The following CHN2 variants were observed in gnomAD, a reference collection of about 807,000 sequenced individuals.
CHN2 encodes beta-chimaerin.
In CHN2, 35 loss-of-function variants were observed where a neutral mutation model predicts 56.3. That is an observed-to-expected ratio of 0.62 (90% CI 0.47 to 0.82). The LOEUF is 0.82. Ranked by LOEUF, CHN2 falls within the 40% of genes least tolerant of loss-of-function variation. The probability of loss-of-function intolerance (pLI) is 0.00; values close to 1 mark genes in which losing one functional copy is unlikely to be tolerated. For missense variants in CHN2, 491 were observed against 580.5 expected (o/e 0.85, Z 1.58); for synonymous variants, 210 against 212.8 (o/e 0.99, Z 0.12).
At position 29,514,228 on chromosome 7, in the gene CHN2, C is replaced by G. The variant is rs1791816702; in HGVS notation, c.*1493C>G. On this transcript the variant is annotated 3_prime_UTR_variant, in exon 13 of 13. Transcript: ENST00000222792. Reference sequence around the variant, plus strand: ...CTTCTTGATACTGTCAAAAAATTATCTGGAAATGGTTTTATTTTGTGAAGT... The same window carrying G: ...CTTCTTGATACTGTCAAAAAATTATGTGGAAATGGTTTTATTTTGTGAAGT... 6.6e-6 allele frequency: 1 copy of G among 152,562 alleles called. No individual in the cohort carries two copies. The highest frequency in any genetic ancestry group is 2.4e-5 in the African/African-American group (1 of 41,420). 9.5% of individuals were successfully genotyped at this position (152,562 alleles called of 1,614,324 possible).
chr7:29,388,454 G>A (rs1002630), intron 3 of CHN2, among the ~76,000 whole-genome samples: 23,840 of 151,638 alleles, frequency 0.16, 2,028 homozygotes, highest in Middle Eastern at 0.21. Context: ...GGCTGTCTGC[G>A]CCAGGCACTG....
At chr7:29,195,374 G>A in intron 1 of CHN2, 2 of 228,456 alleles carry the variant, frequency 8.8e-6, no homozygotes, top group African/African-American at 2.3e-5. Context: ...GCCGTGCCGC[G>A]CCCGCTACCC....
chr7:29,160,225 A>G (rs541979061), intron 2 of CHN2, among the ~76,000 whole-genome samples: 1 of 152,276 alleles, frequency 6.6e-6, no homozygotes, highest in East Asian at 1.9e-4. Flanking sequence ...GGCCACCCAC[A>G]GTGTGTGAAG....
intron 6 of CHN2, among the ~76,000 whole-genome samples, chr7:29,422,904 A>G (rs1266250018): frequency 6.6e-6 from 1 of 152,212 alleles, no homozygotes; most frequent in Non-Finnish European, 1.5e-5. Flanking sequence ...AAGTGGGGCA[A>G]ATGCAAATGA....
At chr7:29,504,005 A>G (rs764324605) in intron 9 of CHN2, among the ~76,000 whole-genome samples, 19 of 152,214 alleles carry the variant, frequency 1.2e-4, no homozygotes, top group Non-Finnish European at 2.6e-4. Context: ...CAGTGATCCA[A>G]TTTCCAGAAG....
rs1558634 is a variant in CHN2 at position 29,513,723 on chromosome 7, T to C, written c.*988T>C. The C allele has an allele frequency of 0.87, 133,303 of 152,656 alleles. 58,375 individuals are homozygous for C. Among genetic ancestry groups the C allele is most frequent in the East Asian group, 1 (5,170 of 5,186 alleles). The allele number at this position is 152,656 out of a possible 1,614,324, so 9.5% of individuals were successfully genotyped here. On this transcript the variant is annotated 3_prime_UTR_variant, in exon 13 of 13. Transcript: ENST00000222792. ...GAAAAGCGAATCTGCAGAATAACTG[T>C]CAACGTTTTTCATTCTTGTTTTACA...
At chr7:29,215,557 A>G (rs1415680743) in intron 1 of CHN2, among the ~76,000 whole-genome samples, 3 of 152,222 alleles carry the variant, frequency 2.0e-5, no homozygotes, top group East Asian at 1.9e-4. Context: ...GTTTTCTTCT[A>G]TCTGAGTTAC....
At chr7:29,290,514 A>G (rs1258831251) in intron 1 of CHN2, among the ~76,000 whole-genome samples, 1 of 152,200 alleles carries the variant, frequency 6.6e-6, no homozygotes, top group East Asian at 1.9e-4. Flanking sequence ...ACACAGCCAC[A>G]TATCTAGAAA....
At chr7:29,177,332 C>A (rs1182974302) in intron 2 of CHN2, among the ~76,000 whole-genome samples, 1 of 151,984 alleles carries the variant, frequency 6.6e-6, no homozygotes, top group Non-Finnish European at 1.5e-5. Flanking sequence ...CTGCTCACTG[C>A]AACCTCTGCC....
At chr7:29,467,557 C>T (rs1056236832) in intron 6 of CHN2, among the ~76,000 whole-genome samples, 1 of 152,134 alleles carries the variant, frequency 6.6e-6, no homozygotes, top group Non-Finnish European at 1.5e-5. Flanking sequence ...ATCCATAAAC[C>T]TTTGCTAAGT....
chr7:29,262,842 G>A (rs1789672466), intron 1 of CHN2, among the ~76,000 whole-genome samples: 1 of 152,198 alleles, frequency 6.6e-6, no homozygotes. Flanking sequence ...TTAATACCTA[G>A]GTGATGATGG....
intron 1 of CHN2, among the ~76,000 whole-genome samples, chr7:29,305,595 A>T (rs1466018360): frequency 6.6e-6 from 1 of 152,196 alleles, no homozygotes; most frequent in Admixed American, 6.5e-5. Context: ...GAGACTAGTA[A>T]TCAAAGCAAT....
In CHN2 at chr7:29,319,884, C is replaced by T. The variant is rs542712428; in HGVS notation, c.50-34741C>T. Among the ~76,000 whole-genome samples the T allele has an allele frequency of 4.7e-4, 72 of 152,296 alleles. No homozygotes were observed. In the South Asian group the frequency reaches 0.01, roughly 22 times the overall value. ...AGTGAACGAGCCAGTGTTGTCGTGA[C>T]CAGTGCCTTTGTGCCCCTTCCCCTC... is the stretch of plus-strand genomic sequence containing the variant. On this transcript the variant is annotated intron_variant, in intron 1 of 12. Transcript: ENST00000222792.
intron 2 of CHN2, among the ~76,000 whole-genome samples, chr7:29,156,766 T>C (rs1794431319): frequency 6.6e-6 from 1 of 152,242 alleles, no homozygotes; most frequent in Admixed American, 6.5e-5. Context: ...TATCAGATTT[T>C]TAGCTTCTGC....
Position 29,252,187 on chromosome 7 carries a change from A to ATTTT in CHN2, c.49+57216_49+57219dup, listed in dbSNP as rs3046893. The stretch of plus-strand genomic sequence containing the variant: ...AACCTACCACATAAGATTATACAGG[A>ATTTT]TTTTTTTTTTTTTTTTTTTTTTAGA... On this transcript the variant is annotated intron_variant, in intron 1 of 12. Coordinates refer to ENST00000222792, the MANE Select transcript of CHN2 (RefSeq NM_004067.4). Among the ~76,000 whole-genome samples the ATTTT allele has an allele frequency of 6.7e-4, 76 of 113,884 alleles. 2 individuals are homozygous for ATTTT. Among genetic ancestry groups the ATTTT allele is most frequent in the African/African-American group, 2.2e-3 (64 of 28,634 alleles). 74.7% of individuals were successfully genotyped at this position (113,884 alleles called of 152,430 possible).
At position 29,179,624 on chromosome 7, in the gene CHN2, T is replaced by A. The variant is rs151022237; in HGVS notation, c.274+32664T>A. 2.0e-5 allele frequency among the ~76,000 whole-genome samples: 3 copies of A among 152,338 alleles called. No individual in the cohort carries two copies. In the East Asian group the frequency reaches 5.8e-4, roughly 29 times the overall value. On this transcript the variant is annotated intron_variant, in intron 2 of 6. Transcript: ENST00000439384. The stretch of plus-strand genomic sequence containing the variant: ...GCTATATATCCTTTGCCAAATAGAA[T>A]TACTCTGATATATGTAAATAAATAT...
intron 1 of CHN2, among the ~76,000 whole-genome samples, chr7:29,273,390 C>T (rs71532963): frequency 0.21 from 6,508 of 30,738 alleles, 482 homozygotes; most frequent in Non-Finnish European, 0.24. Flanking sequence ...TATATATATA[C>T]ACACACCACA....
intron 6 of CHN2, among the ~76,000 whole-genome samples, chr7:29,450,498 T>C (rs1032121074): frequency 6.6e-6 from 1 of 151,966 alleles, no homozygotes; most frequent in Non-Finnish European, 1.5e-5. Context: ...CAGAGAAGGA[T>C]TTGAAGATCC....
chr7:29,357,617 A>G (rs1485596854), intron 2 of CHN2, among the ~76,000 whole-genome samples: 2 of 152,214 alleles, frequency 1.3e-5, no homozygotes, highest in Non-Finnish European at 2.9e-5. Flanking sequence ...ATGTAAACCA[A>G]TAAACTTAAA....
Sources: gnomAD v4.1 joint callset for allele counts (sites outside exome capture counted in the v4.1 genomes callset) on GRCh38, gnomAD v4.1.1 for gene constraint, MANE v1.5 for transcripts, NCBI Gene and HGNC (gene_info 2026-07-23, HGNC 2026-07-21) for gene names.